The following MAGI1 variants were observed in gnomAD, a reference collection of about 807,000 sequenced individuals.
MAGI1 encodes the protein membrane-associated guanylate kinase, WW and PDZ domain-containing protein 1.
MAGI1 carries 58 observed loss-of-function variants against 139.9 expected under a neutral mutation model. The observed-to-expected ratio is 0.41, with a 90% CI of 0.34 to 0.52. The LOEUF is 0.52. Ranked by LOEUF, MAGI1 falls within the 20% of genes least tolerant of loss-of-function variation. The pLI, the probability that MAGI1 is intolerant of heterozygous loss-of-function variation, is 0.12. For synonymous variants in MAGI1, 812 were observed against 737.9 expected, an observed-to-expected ratio of 1.10 and a Z score of -1.63; for missense variants, 1,874 against 1,901.6, an observed-to-expected ratio of 0.99 and a Z score of 0.27.
At chr3:65,387,141 A>C in intron 14 of MAGI1, 2 of 1,612,772 alleles carry the variant, frequency 1.2e-6, no homozygotes, top group Non-Finnish European at 1.7e-6. Flanking sequence ...GCGGATCCTT[A>C]CTCGGACATT....
At chr3:65,369,509 A>G (rs1941774882) in intron 18 of MAGI1, among the ~76,000 whole-genome samples, 1 of 150,714 alleles carries the variant, frequency 6.6e-6, no homozygotes, top group Non-Finnish European at 1.5e-5. Flanking sequence ...GACGTGATGG[A>G]TTCTTTTTTT....
At chr3:65,610,053 T>C (rs923632826) in intron 2 of MAGI1, 10 of 28,050 alleles carry the variant, frequency 3.6e-4, no homozygotes, top group Non-Finnish European at 9.1e-4. Flanking sequence ...ACAGCAATTA[T>C]TATATCAACA....
chr3:65,840,887 G>C (rs920287864), intron 1 of MAGI1, among the ~76,000 whole-genome samples: 7 of 152,100 alleles, frequency 4.6e-5, no homozygotes, highest in Admixed American at 2.6e-4. Flanking sequence ...TTAGACATTT[G>C]CTACAATTCT....
chr3:65,998,986 A>G (rs2066600554), intron 1 of MAGI1, among the ~76,000 whole-genome samples: 1 of 152,178 alleles, frequency 6.6e-6, no homozygotes, highest in South Asian at 2.1e-4. Flanking sequence ...TGGGGATAAA[A>G]TCGCATTACA....
intron 7 of MAGI1, among the ~76,000 whole-genome samples, chr3:65,446,006 TGCTAC>T (rs1948653739): frequency 6.6e-6 from 1 of 152,198 alleles, no homozygotes; most frequent in Non-Finnish European, 1.5e-5. Flanking sequence ...TGTGCACGTG[TGCTAC>T]TCTTTACACA....
At chr3:65,633,109 G>A (rs2084406686) in intron 1 of MAGI1, among the ~76,000 whole-genome samples, 1 of 152,150 alleles carries the variant, frequency 6.6e-6, no homozygotes, top group African/African-American at 2.4e-5. Flanking sequence ...GCTAAAGTTT[G>A]TGGACCAATG....
At chr3:65,461,325 C>T (rs1178667319) in intron 5 of MAGI1, among the ~76,000 whole-genome samples, 1 of 151,912 alleles carries the variant, frequency 6.6e-6, no homozygotes, top group Non-Finnish European at 1.5e-5. Context: ...AAGCAATTCT[C>T]CTGCCTCAGT....
At chr3:65,896,467 T>G (rs759070851) in intron 1 of MAGI1, among the ~76,000 whole-genome samples, 1 of 152,164 alleles carries the variant, frequency 6.6e-6, no homozygotes, top group Non-Finnish European at 1.5e-5. Flanking sequence ...CTACGAATCA[T>G]GTGGACAAAG....
chr3:65,968,000 A>G (rs2064841867), intron 1 of MAGI1, among the ~76,000 whole-genome samples: 1 of 152,220 alleles, frequency 6.6e-6, no homozygotes, highest in Non-Finnish European at 1.5e-5. Flanking sequence ...AAATGCTCCT[A>G]TGACTGGTGC....
At chr3:65,447,150 G>T (rs1013075945) in intron 7 of MAGI1, among the ~76,000 whole-genome samples, 9 of 152,150 alleles carry the variant, frequency 5.9e-5, no homozygotes, top group Admixed American at 5.9e-4. Context: ...AATTGCTAAA[G>T]AATCTTCCAT....
At chr3:65,548,313 G>A (rs2079600207) in intron 2 of MAGI1, among the ~76,000 whole-genome samples, 1 of 152,022 alleles carries the variant, frequency 6.6e-6, no homozygotes, top group Non-Finnish European at 1.5e-5. Context: ...CCCAATGAGG[G>A]ACAAGAGGGG....
At chr3:65,822,771 T>C (rs754982884) in intron 1 of MAGI1, among the ~76,000 whole-genome samples, 25 of 152,204 alleles carry the variant, frequency 1.6e-4, no homozygotes, top group Admixed American at 9.8e-4. Flanking sequence ...GTAGAGGTGA[T>C]ACTCACTTTT....
chr3:65,948,588 G>T (rs2063651715), intron 1 of MAGI1, among the ~76,000 whole-genome samples: 1 of 152,110 alleles, frequency 6.6e-6, no homozygotes, highest in Admixed American at 6.6e-5. Context: ...GTTCAGTAGG[G>T]TTAACCCAAA....
intron 2 of MAGI1, chr3:65,499,053 C>T (rs1301014439): frequency 1.0e-6 from 1 of 968,928 alleles, no homozygotes; most frequent in Non-Finnish European, 1.2e-6. Context: ...TAGAAGAAAA[C>T]CGCTCTTAAA....
At chr3:65,702,022 G>A (rs1444642908) in intron 1 of MAGI1, among the ~76,000 whole-genome samples, 1 of 151,852 alleles carries the variant, frequency 6.6e-6, no homozygotes, top group African/African-American at 2.4e-5. Context: ...GCTCTCCCTA[G>A]GATGTGGCCC....
At chr3:65,455,469 G>C (rs908867124) in intron 5 of MAGI1, among the ~76,000 whole-genome samples, 4 of 152,176 alleles carry the variant, frequency 2.6e-5, no homozygotes, top group African/African-American at 9.7e-5. Context: ...CCAGCACTTT[G>C]GAATGTCAAG....
chr3:65,500,943 G>A (rs898418967), intron 2 of MAGI1, among the ~76,000 whole-genome samples: 1 of 152,122 alleles, frequency 6.6e-6, no homozygotes, highest in African/African-American at 2.4e-5. Context: ...TAAATATCCA[G>A]AGTATCAGTT....
chr3:65,812,468 T>TCTCTCTCTCTCACACACACACACA (rs1176899313), intron 1 of MAGI1, among the ~76,000 whole-genome samples: 1 of 89,088 alleles, frequency 1.1e-5, no homozygotes, highest in Non-Finnish European at 2.6e-5. Flanking sequence ...TCTCTCTCTC[T>TCTCTCTCTCTCACACACACACACA]CACACACACA....
chr3:65,900,659 C>T (rs922752033), intron 1 of MAGI1, among the ~76,000 whole-genome samples: 2 of 152,172 alleles, frequency 1.3e-5, no homozygotes, highest in African/African-American at 4.8e-5. Context: ...TGGTGAACAC[C>T]ACCAGGTTAC....
Sources: gnomAD v4.1 joint callset for allele counts (sites outside exome capture counted in the v4.1 genomes callset) on GRCh38, gnomAD v4.1.1 for gene constraint, MANE v1.5 for transcripts, NCBI Gene and HGNC (gene_info 2026-07-23, HGNC 2026-07-21) for gene names.